Variants in ZNF277 observed in about 807,000 individuals in gnomAD.
ZNF277 encodes zinc finger protein 277, also known as nuclear receptor-interacting factor 4.
In ZNF277, 55 loss-of-function variants were observed where a neutral mutation model predicts 60.7. That is an observed-to-expected ratio of 0.91 (90% CI 0.73 to 1.13). The LOEUF (loss-of-function observed/expected upper bound fraction) is 1.13, where lower values mean the gene tolerates loss of function less well. Ranked by LOEUF, ZNF277 falls within the 50% of genes most tolerant of loss-of-function variation. ZNF277 has a pLI of 0.00. For missense variants in ZNF277, 510 were observed against 523.0 expected (o/e 0.98, Z 0.24); for synonymous variants, 178 against 179.3 (o/e 0.99, Z 0.06).
intron 1 of ZNF277, among the ~76,000 whole-genome samples, chr7:112,280,172 C>A (rs1791908280): frequency 6.6e-6 from 1 of 152,144 alleles, no homozygotes; most frequent in African/African-American, 2.4e-5. Flanking sequence ...GTCAATTATG[C>A]TCATGGCAAC....
intron 11 of ZNF277, 81 bp from the exon 12 acceptor site, chr7:112,342,480 T>C: frequency 1.6e-6 from 2 of 1,239,952 alleles, no homozygotes; most frequent in South Asian, 4.4e-5. Context: ...CTGACAAAAT[T>C]ATAGTAAATG....
intron 1 of ZNF277, among the ~76,000 whole-genome samples, chr7:112,229,315 G>A (rs1007782600): frequency 2.0e-5 from 3 of 152,216 alleles, no homozygotes; most frequent in African/African-American, 4.8e-5. Flanking sequence ...TGAATACAGA[G>A]TAGCGTAGTC....
At chr7:112,322,608 C>A (rs1334689903) in intron 5 of ZNF277, among the ~76,000 whole-genome samples, 1 of 151,916 alleles carries the variant, frequency 6.6e-6, no homozygotes, top group East Asian at 1.9e-4. Flanking sequence ...GGTAAGATAT[C>A]ATTTTCATAA....
intron 10 of ZNF277, among the ~76,000 whole-genome samples, chr7:112,340,467 T>G (rs1793421731): frequency 6.6e-6 from 1 of 152,232 alleles, no homozygotes; most frequent in Non-Finnish European, 1.5e-5. Flanking sequence ...GCTCAGTCAC[T>G]GCTTTCCTAG....
At chr7:112,297,597 A>G (rs1792384442) in intron 4 of ZNF277, among the ~76,000 whole-genome samples, 1 of 152,236 alleles carries the variant, frequency 6.6e-6, no homozygotes, top group Non-Finnish European at 1.5e-5. Context: ...ATTTATATCT[A>G]AGAAAAGTTT....
intron 4 of ZNF277, among the ~76,000 whole-genome samples, chr7:112,310,856 G>A (rs1792715313): frequency 6.6e-6 from 1 of 152,130 alleles, no homozygotes; most frequent in East Asian, 1.9e-4. Context: ...CCTGAGGAGT[G>A]TGCCTTTTTC....
At chr7:112,267,753 G>A (rs765107137) in intron 1 of ZNF277, among the ~76,000 whole-genome samples, 6 of 152,090 alleles carry the variant, frequency 3.9e-5, no homozygotes, top group Admixed American at 1.3e-4. Flanking sequence ...TGAGAGTCAT[G>A]GAGGGAAAGA....
At chr7:112,260,105 A>G (rs914970040) in intron 1 of ZNF277, among the ~76,000 whole-genome samples, 1 of 152,154 alleles carries the variant, frequency 6.6e-6, no homozygotes, top group Non-Finnish European at 1.5e-5. Flanking sequence ...CGTCTCTACT[A>G]AAAATACAAA....
chr7:112,319,222 G>T (rs56299150), intron 5 of ZNF277, among the ~76,000 whole-genome samples: 21,038 of 151,948 alleles, frequency 0.14, 1,600 homozygotes, highest in South Asian at 0.16. Context: ...CTGGCTCAAA[G>T]TCCCAACCCT....
chr7:112,210,449 T>C (rs1304534422), intron 1 of ZNF277, among the ~76,000 whole-genome samples: 3 of 145,032 alleles, frequency 2.1e-5, no homozygotes, highest in Non-Finnish European at 3.0e-5. Flanking sequence ...TTTTGCTTTT[T>C]TTGTTTTTGT....
intron 1 of ZNF277, among the ~76,000 whole-genome samples, chr7:112,215,643 C>A (rs1821860009): frequency 6.6e-6 from 1 of 152,196 alleles, no homozygotes; most frequent in South Asian, 2.1e-4. Flanking sequence ...CATACTAAAG[C>A]TTTTACATGT....
intron 1 of ZNF277, among the ~76,000 whole-genome samples, chr7:112,254,394 T>C (rs569382959): frequency 6.6e-6 from 1 of 152,298 alleles, no homozygotes; most frequent in South Asian, 2.1e-4. Flanking sequence ...GTGATTCAAA[T>C]GTGTGATACA....
chr7:112,333,201 G>C (rs1793261396), intron 7 of ZNF277, among the ~76,000 whole-genome samples: 2 of 151,786 alleles, frequency 1.3e-5, no homozygotes, highest in African/African-American at 4.8e-5. Context: ...GAGGGAAAAG[G>C]CTGACATGAG....
chr7:112,282,125 C>G (rs1791959386), intron 1 of ZNF277, among the ~76,000 whole-genome samples: 1 of 152,346 alleles, frequency 6.6e-6, no homozygotes, highest in South Asian at 2.1e-4. Flanking sequence ...GCCACCACAC[C>G]AGCTACATGA....
intron 9 of ZNF277, among the ~76,000 whole-genome samples, chr7:112,339,397 C>T (rs186848498): frequency 6.6e-6 from 1 of 152,342 alleles, no homozygotes; most frequent in African/African-American, 2.4e-5. Context: ...CAGCTCACTG[C>T]AACCTCTGCC....
chr7:112,311,046 T>A (rs1213279703), intron 4 of ZNF277, among the ~76,000 whole-genome samples: 1 of 152,168 alleles, frequency 6.6e-6, no homozygotes, highest in East Asian at 1.9e-4. Flanking sequence ...GTTTTTTACT[T>A]TCCTGTGTAT....
intron 4 of ZNF277, among the ~76,000 whole-genome samples, chr7:112,310,159 C>T (rs4730525): frequency 6.6e-6 from 1 of 152,082 alleles, no homozygotes; most frequent in Admixed American, 6.5e-5. Context: ...AGATGAGGCT[C>T]ATCTTATGTG....
intron 8 of ZNF277, among the ~76,000 whole-genome samples, chr7:112,337,473 G>C (rs1392326870): frequency 6.6e-6 from 1 of 152,158 alleles, no homozygotes; most frequent in African/African-American, 2.4e-5. Flanking sequence ...GACTGAGATA[G>C]CTACTCAGAA....
At chr7:112,245,915 T>A (rs1482774073) in intron 1 of ZNF277, among the ~76,000 whole-genome samples, 2 of 152,208 alleles carry the variant, frequency 1.3e-5, no homozygotes, top group Admixed American at 6.5e-5. Context: ...GGATATCTTA[T>A]AATAGCCAAT....
Sources: gnomAD v4.1 joint callset for allele counts (sites outside exome capture counted in the v4.1 genomes callset) on GRCh38, gnomAD v4.1.1 for gene constraint, MANE v1.5 for transcripts, NCBI Gene and HGNC (gene_info 2026-07-23, HGNC 2026-07-21) for gene names.